SMC1B: variants seen among roughly 807,000 people sequenced by gnomAD.
SMC1B encodes the protein structural maintenance of chromosomes protein 1B.
SMC1B carries 60 observed loss-of-function variants against 157.9 expected under a neutral mutation model. That is an observed-to-expected ratio of 0.38 (90% CI 0.31 to 0.47). SMC1B has a LOEUF of 0.47. Ranked by LOEUF, SMC1B falls within the 20% of genes least tolerant of loss-of-function variation. SMC1B has a pLI of 0.99. For synonymous variants in SMC1B, 445 were observed against 483.0 expected (o/e 0.92, Z 1.03); for missense variants, 1,165 against 1,426.2 (o/e 0.82, Z 2.95).
chr22:45,362,446 T>C (rs553201731), intron 16 of SMC1B, among the ~76,000 whole-genome samples: 2 of 152,306 alleles, frequency 1.3e-5, no homozygotes, highest in South Asian at 4.1e-4. Context: ...CTTCACTGCC[T>C]ACCTCCCTGC....
intron 9 of SMC1B, among the ~76,000 whole-genome samples, chr22:45,392,482 TGTG>T (rs1014025200): frequency 5.9e-4 from 16 of 27,084 alleles, no homozygotes; most frequent in African/African-American, 9.0e-4. Context: ...TTTAACTAGT[TGTG>T]TGTGTGTGTG....
chr22:45,375,211 C>G (rs136579), intron 12 of SMC1B, among the ~76,000 whole-genome samples: 19,158 of 152,184 alleles, frequency 0.13, 1,327 homozygotes, highest in South Asian at 0.24. Context: ...CCATTTGTCT[C>G]TTATCTACCT....
chr22:45,354,819 TAA>T (rs1357681760), intron 20 of SMC1B, 138 bp downstream of exon 20: 17 of 689,858 alleles, frequency 2.5e-5, no homozygotes, highest in Non-Finnish European at 4.8e-6. Context: ...GATTCAGTAT[TAA>T]AAGCACACAT....
At chr22:45,411,073 A>G (rs2087327522) in intron 1 of SMC1B, among the ~76,000 whole-genome samples, 1 of 152,258 alleles carries the variant, frequency 6.6e-6, no homozygotes, top group African/African-American at 2.4e-5. Flanking sequence ...TAAAATAAAT[A>G]CTTCTCATCC....
intron 1 of SMC1B, among the ~76,000 whole-genome samples, chr22:45,411,381 A>G (rs932425117): frequency 3.2e-4 from 48 of 152,370 alleles, no homozygotes; most frequent in African/African-American, 1.1e-3. Context: ...AAATGTCCCA[A>G]ATAGGTAAAT....
At chr22:45,402,896 T>G (rs1330503840) in intron 4 of SMC1B, among the ~76,000 whole-genome samples, 1 of 152,216 alleles carries the variant, frequency 6.6e-6, no homozygotes. Flanking sequence ...CTTCCTCCTT[T>G]GTAAACTGAA....
At chr22:45,385,311 A>G (rs2086979304) in intron 11 of SMC1B, among the ~76,000 whole-genome samples, 1 of 152,114 alleles carries the variant, frequency 6.6e-6, no homozygotes, top group South Asian at 2.1e-4. Context: ...AAACAAGTAA[A>G]CCAAAATATT....
intron 4 of SMC1B, among the ~76,000 whole-genome samples, chr22:45,405,123 A>C (rs1421862352): frequency 6.6e-6 from 1 of 152,192 alleles, no homozygotes; most frequent in Non-Finnish European, 1.5e-5. Context: ...GCACACAGCT[A>C]TCTAGGCAGA....
intron 9 of SMC1B, 26 bp downstream of exon 9, chr22:45,393,608 T>A: frequency 6.5e-7 from 1 of 1,549,462 alleles, no homozygotes; most frequent in Non-Finnish European, 8.8e-7. Context: ...TTTTTTTTGT[T>A]TAAATTAACT....
chr22:45,411,165 A>G (rs759860865), intron 1 of SMC1B, among the ~76,000 whole-genome samples: 1 of 151,880 alleles, frequency 6.6e-6, no homozygotes, highest in East Asian at 1.9e-4. Context: ...TCAAGGCAGC[A>G]TAACATACCA....
intron 19 of SMC1B, among the ~76,000 whole-genome samples, chr22:45,357,808 G>A (rs1276754587): frequency 6.6e-6 from 1 of 152,138 alleles, no homozygotes; most frequent in Non-Finnish European, 1.5e-5. Context: ...TAAAACCTTT[G>A]CAATTTCCTG....
intron 17 of SMC1B, 85 bp downstream of exon 17, chr22:45,361,754 G>T: frequency 7.7e-7 from 1 of 1,299,994 alleles, no homozygotes; most frequent in Non-Finnish European, 1.1e-6. Context: ...ATATTCAAAT[G>T]CAACTCATTT....
In SMC1B at chr22:45,352,319, T is replaced by C. The variant is rs963541145; in HGVS notation, c.3425+132A>G. On this transcript the variant is annotated intron_variant, in intron 22 of 24. Coordinates refer to ENST00000357450, the MANE Select transcript of SMC1B (RefSeq NM_148674.5). ...TAGGCCTAAAACATAATCTGAATTG[T>C]CTGGCTGAAGAAGATAGTTTTGTAT... The C allele has an allele frequency of 5.2e-6, 4 of 762,576 alleles. No individual in the cohort carries two copies. In the African/African-American group the frequency reaches 5.3e-5, roughly 10 times the overall value. The allele number at this position is 762,576 out of a possible 1,614,324, so 47.2% of individuals were successfully genotyped here.
intron 11 of SMC1B, 31 bp from the exon 12 acceptor site, chr22:45,383,644 A>G: frequency 6.5e-7 from 1 of 1,548,526 alleles, no homozygotes; most frequent in Non-Finnish European, 8.7e-7. Context: ...TGCCCTGGAG[A>G]AATGTACATA....
intron 21 of SMC1B, 28 bp downstream of exon 21, chr22:45,353,949 AC>A (rs776175257): frequency 7.1e-7 from 1 of 1,401,470 alleles, no homozygotes; most frequent in African/African-American, 1.5e-5. Context: ...CAGAATTCTC[AC>A]TAGTATTTGA....
At position 45,396,480 on chromosome 22, in the gene SMC1B, G is replaced by A. The variant is rs1217084068; in HGVS notation, c.1120C>T (p.Arg374Cys). The change falls in exon 7 of 25, where the codon CGT (arginine) becomes TGT (cysteine). Residue 374 changes from arginine (R) to cysteine (C), a missense_variant. Coordinates refer to ENST00000357450, the MANE Select transcript of SMC1B (RefSeq NM_148674.5). ...DIELEASQLD[R>C]YKELKEQVRK... is the part of the protein sequence containing the mutation. ...ACTTGTTCCTTAAGTTCTTTATAACGATCCAGCTGCATAAACAGTATTGAA... is the reference window on the plus strand; with the variant it reads ...ACTTGTTCCTTAAGTTCTTTATAACAATCCAGCTGCATAAACAGTATTGAA... The A allele has an allele frequency of 7.5e-6, 12 of 1,609,140 alleles. No individual in the cohort carries two copies. Among genetic ancestry groups the A allele is most frequent in the Middle Eastern group, 1.6e-4 (1 of 6,064 alleles).
intron 15 of SMC1B, among the ~76,000 whole-genome samples, chr22:45,367,805 G>C (rs893766348): frequency 6.6e-6 from 1 of 152,188 alleles, no homozygotes; most frequent in South Asian, 2.1e-4. Flanking sequence ...CACCACAGAT[G>C]TAAGTCCAAT....
intron 9 of SMC1B, among the ~76,000 whole-genome samples, chr22:45,391,098 A>G (rs1003296698): frequency 1.4e-5 from 2 of 146,608 alleles, no homozygotes; most frequent in African/African-American, 5.1e-5. Flanking sequence ...AGGTCTTGCT[A>G]TGTTGCCCAG....
At chr22:45,374,356 A>T (rs546395429) in intron 12 of SMC1B, among the ~76,000 whole-genome samples, 16 of 152,276 alleles carry the variant, frequency 1.1e-4, no homozygotes, top group African/African-American at 3.8e-4. Context: ...GTCTTTCTAG[A>T]GATTGGGTTT....
Sources: allele counts gnomAD v4.1 joint callset (sites outside exome capture counted in the v4.1 genomes callset), GRCh38; gene constraint gnomAD v4.1.1; transcripts MANE v1.5; gene names NCBI Gene and HGNC (gene_info 2026-07-23, HGNC 2026-07-21).